The following UNC80 variants were observed in gnomAD, a reference collection of about 807,000 sequenced individuals.
UNC80 encodes the protein protein unc-80 homolog.
In UNC80, 164 loss-of-function variants were observed where a neutral mutation model predicts 384.6. The ratio of observed to expected loss-of-function variants is 0.43; its 90% CI spans 0.38 to 0.49. UNC80 has a LOEUF of 0.49. UNC80 is among the 20% of genes least tolerant of loss of function. The pLI is 0.00. For missense variants in UNC80, 3,330 were observed against 4,143.0 expected (o/e 0.80, Z 5.39); for synonymous variants, 1,486 against 1,527.8 (o/e 0.97, Z 0.64).
chr2:209,942,546 G>T (rs1167965612), intron 44 of UNC80, among the ~76,000 whole-genome samples: 2 of 152,130 alleles, frequency 1.3e-5, no homozygotes, highest in Admixed American at 1.3e-4. Context: ...GGGCCCAGGG[G>T]CTCATCCTAG....
intron 54 of UNC80, 41 bp downstream of exon 54, chr2:209,970,998 T>G: frequency 6.5e-7 from 1 of 1,535,072 alleles, no homozygotes; most frequent in Non-Finnish European, 8.8e-7. Flanking sequence ...ATTAAGTTGC[T>G]GGTTGAGGCA....
intron 22 of UNC80, among the ~76,000 whole-genome samples, chr2:209,864,092 G>A (rs2083537661): frequency 6.6e-6 from 1 of 151,586 alleles, no homozygotes; most frequent in Non-Finnish European, 1.5e-5. Flanking sequence ...TATTTCAATG[G>A]TCAGGTTCCT....
At chr2:209,809,996 A>G (rs2079214944) in intron 7 of UNC80, among the ~76,000 whole-genome samples, 2 of 152,174 alleles carry the variant, frequency 1.3e-5, no homozygotes, top group South Asian at 4.1e-4. Context: ...CCTTCCCCGA[A>G]GGAGCCCTCA....
chr2:209,861,632 T>C lies in UNC80; in HGVS notation c.3628-11126T>C, dbSNP rs370594665. On this transcript the variant is annotated intron_variant, in intron 22 of 64. Transcript: ENST00000673920. ...TGGTACCAGCTCCTCTTTATATTTC[T>C]GGTAGAATTCAGCTGTGAATCCAAC... 1.5e-4 allele frequency among the ~76,000 whole-genome samples: 23 copies of C among 152,368 alleles called. 2 individuals carry two copies. The highest frequency in any genetic ancestry group is 1.2e-3 in the East Asian group (6 of 5,190).
intron 36 of UNC80, 138 bp from the exon 37 acceptor site, chr2:209,929,733 A>G (rs1450620982): frequency 1.4e-5 from 8 of 568,228 alleles, no homozygotes; most frequent in African/African-American, 5.9e-5. Context: ...ACAAACACCT[A>G]CGTTGCAAAA....
At chr2:209,821,487 G>T (rs1343093827) in intron 13 of UNC80, among the ~76,000 whole-genome samples, 4 of 152,154 alleles carry the variant, frequency 2.6e-5, no homozygotes, top group Non-Finnish European at 4.4e-5. Flanking sequence ...ATTTTTGGCA[G>T]CCAGCTTCAA....
chr2:209,844,878 C>T (rs552380945), intron 21 of UNC80, among the ~76,000 whole-genome samples: 5 of 152,040 alleles, frequency 3.3e-5, no homozygotes, highest in African/African-American at 9.6e-5. Context: ...GCTGGGATTA[C>T]AGGCATGAAC....
Position 209,777,347 on chromosome 2 carries a change from G to A in UNC80, c.388G>A (p.Glu130Lys). The A allele has an allele frequency of 1.2e-6, 2 of 1,614,208 alleles. No individual in the cohort carries two copies. Among genetic ancestry groups the A allele is most frequent in the Non-Finnish European group, 1.7e-6 (2 of 1,180,038 alleles). Residue 130 changes from glutamate (E) to lysine (K), a missense_variant, in exon 4 of 65, where the codon GAG becomes AAG. By Grantham distance (56) the Glu-to-Lys change is moderately conservative (BLOSUM62 1). Around this residue, in one of 8 missense-constraint regions of UNC80, gnomAD observed 937 missense variants for 1,026.8 expected, o/e 0.91. Coordinates refer to ENST00000673920, the MANE Select transcript of UNC80 (RefSeq NM_001371986.1). ...GGAGGCCCCCCAGGACTGCAACAAT[G>A]AGCGGTTTGGGGGTACAGACCGAGG... ...LLEAPQDCNN[E>K]RFGGTDRGSS...
In UNC80 at chr2:209,910,116, C is replaced by T. The variant is rs1286155669; in HGVS notation, c.4783-2444C>T. 3.3e-5 allele frequency among the ~76,000 whole-genome samples: 5 copies of T among 151,478 alleles called. 1 individual carries two copies. Among genetic ancestry groups the T allele is most frequent in the Admixed American group, 2.6e-4 (4 of 15,234 alleles). ...AAACTCAAGACTAGTAACCCAAGACCAAAGGACAGAATTTATCACTCTTGT... is the reference window on the plus strand; with the variant it reads ...AAACTCAAGACTAGTAACCCAAGACTAAAGGACAGAATTTATCACTCTTGT... On this transcript the variant is annotated intron_variant, in intron 29 of 64. Coordinates refer to ENST00000673920, the MANE Select transcript of UNC80 (RefSeq NM_001371986.1).
intron 15 of UNC80, among the ~76,000 whole-genome samples, chr2:209,829,830 G>A (rs1457227452): frequency 6.6e-6 from 1 of 152,150 alleles, no homozygotes; most frequent in East Asian, 1.9e-4. Flanking sequence ...AAAACCTTAC[G>A]ATTGCAGTAA....
rs2090470018 is a variant in UNC80, at chr2:209,926,791, A to C, written c.5663-52A>C. 6 of 1,545,172 alleles carry C rather than the reference A, an allele frequency of 3.9e-6. No homozygotes were observed. In the South Asian group the frequency reaches 6.0e-5, roughly 16 times the overall value. On this transcript the variant is annotated intron_variant, in intron 35 of 64. Transcript: ENST00000673920. ...ACCCTATCTCAAAACAACAGTAGCA[A>C]CAAAGAATTACGTTACTGAGAAAAG...
chr2:209,916,836 A>G (rs1241684599), intron 31 of UNC80, among the ~76,000 whole-genome samples: 1 of 152,198 alleles, frequency 6.6e-6, no homozygotes. Flanking sequence ...AAAACAATAT[A>G]CTTTAGAAAT....
chr2:209,938,345 A>C (rs1428872914), intron 42 of UNC80, among the ~76,000 whole-genome samples: 5 of 152,214 alleles, frequency 3.3e-5, no homozygotes, highest in Non-Finnish European at 5.9e-5. Context: ...TCTTTAAAGA[A>C]TTTCAGGATA....
rs528076395 is a variant in UNC80 at position 209,973,208 on chromosome 2, A to G, written c.8525A>G (p.Asp2842Gly). The G allele has an allele frequency of 1.7e-5, 27 of 1,551,666 alleles. No individual in the cohort carries two copies. In the South Asian group the frequency reaches 3.2e-4, roughly 18 times the overall value. Residue 2842 changes from aspartate (D) to glycine (G), a missense_variant, in exon 56 of 65, where the codon GAT becomes GGT. Asp to Gly is a moderately conservative substitution (Grantham distance 94). Around this residue, in one of 8 missense-constraint regions of UNC80, gnomAD observed 1,049 missense variants for 1,488.6 expected, o/e 0.70. Coordinates refer to ENST00000673920, the MANE Select transcript of UNC80 (RefSeq NM_001371986.1). ...SSPAHCSTPGDAGKDLRREGL... is the reference protein window; with the variant it reads ...SSPAHCSTPGGAGKDLRREGL... ...CCAGCCCACTGCTCCACCCCTGGGGATGCGGGGAAAGACTTGCGCAGGGAA... is the reference window on the plus strand; with the variant it reads ...CCAGCCCACTGCTCCACCCCTGGGGGTGCGGGGAAAGACTTGCGCAGGGAA...
chr2:209,915,699 G>A (rs562664426), intron 31 of UNC80, among the ~76,000 whole-genome samples: 1 of 152,256 alleles, frequency 6.6e-6, no homozygotes, highest in South Asian at 2.1e-4. Flanking sequence ...AGCAATATGT[G>A]GAATACTTTG....
At chr2:209,913,967 T>C (rs1183581452) in intron 31 of UNC80, 27 bp downstream of exon 31, 2 of 1,520,036 alleles carry the variant, frequency 1.3e-6, no homozygotes, top group African/African-American at 2.8e-5. Context: ...TGGAACCCTG[T>C]GCCTGCTGCC....
At position 209,976,834 on chromosome 2, in the gene UNC80, A is replaced by G. The variant is rs2093026650; in HGVS notation, c.8773-79A>G. The stretch of plus-strand genomic sequence containing the variant: ...TGCATTACCTTATTTATTCCTCACA[A>G]CAATGAAATAGGTACAGCAATTAGC... On this transcript the variant is annotated intron_variant, in intron 57 of 64. Transcript: ENST00000673920. This position sits in a 1 kb window ranked among gnomAD's most constrained non-coding sequence, Gnocchi z 4.3. 2 of 1,404,072 alleles carry G rather than the reference A, an allele frequency of 1.4e-6. No homozygotes were observed. The highest frequency in any genetic ancestry group is 1.9e-6 in the Non-Finnish European group (2 of 1,051,800). 87.0% of individuals were successfully genotyped at this position (1,404,072 alleles called of 1,614,324 possible). A position where few individuals can be genotyped will look rare whatever the true frequency, so the allele number is the denominator to read the frequency against.
intron 54 of UNC80, 24 bp downstream of exon 54, chr2:209,970,981 C>T: frequency 6.5e-7 from 1 of 1,544,992 alleles, no homozygotes; most frequent in Non-Finnish European, 8.7e-7. Context: ...ACCTGTTTGT[C>T]ACGCTCATTA....
chr2:209,914,649 CTGTGTGTGTGTGTGTG>C (rs200222549), intron 31 of UNC80, among the ~76,000 whole-genome samples: 1 of 128,406 alleles, frequency 7.8e-6, no homozygotes, highest in Non-Finnish European at 1.6e-5. Context: ...CTAGGGTAAA[CTGTGTGTGTGTGTGTG>C]TGTGTGTGTG....
Sources: allele counts gnomAD v4.1 joint callset (sites outside exome capture counted in the v4.1 genomes callset), GRCh38; gene constraint gnomAD v4.1.1; regional missense constraint gnomAD v4.1.1; non-coding constraint Gnocchi (gnomAD v3.1); transcripts MANE v1.5; gene names NCBI Gene and HGNC (gene_info 2026-07-23, HGNC 2026-07-21).